The following TNRC18 variants were observed in gnomAD, a reference collection of about 807,000 sequenced individuals.
The protein encoded by TNRC18 is trinucleotide repeat-containing gene 18 protein.
TNRC18 carries 69 observed loss-of-function variants against 226.7 expected under a neutral mutation model. That is an observed-to-expected ratio of 0.30 (90% confidence interval 0.25 to 0.37). TNRC18 has a LOEUF of 0.37. TNRC18 is among the 10% of genes least tolerant of loss of function. The probability of loss-of-function intolerance (pLI) is 1.00; values close to 1 mark genes in which losing one functional copy is unlikely to be tolerated. For missense variants in TNRC18, 4,754 were observed against 4,256.6 expected (o/e 1.12, Z -3.25); for synonymous variants, 2,449 against 1,927.6 (o/e 1.27, Z -7.09).
intron 19 of TNRC18, among the ~76,000 whole-genome samples, chr7:5,328,704 G>T (rs1389151793): frequency 2.0e-5 from 3 of 151,862 alleles, no homozygotes; most frequent in Non-Finnish European, 1.5e-5. Flanking sequence ...TAGAGGCGGG[G>T]TTTCACCATA....
intron 11 of TNRC18, 107 bp from the exon 12 acceptor site, chr7:5,362,932 A>G: frequency 8.3e-7 from 1 of 1,206,312 alleles, no homozygotes. Context: ...ACACGTGCCC[A>G]TCCCCCAAGG....
chr7:5,310,417 G>A (rs922911442), intron 27 of TNRC18, among the ~76,000 whole-genome samples: 2 of 151,996 alleles, frequency 1.3e-5, no homozygotes, highest in African/African-American at 4.8e-5. Context: ...TGTATTTTTA[G>A]TAGAGACGGG....
intron 5 of TNRC18, among the ~76,000 whole-genome samples, chr7:5,381,101 G>C (rs941019450): frequency 6.6e-6 from 1 of 152,172 alleles, no homozygotes; most frequent in Non-Finnish European, 1.5e-5. Flanking sequence ...ACAGAAGCCA[G>C]TCTGCTGGCC....
Position 5,321,257 on chromosome 7 carries a change from G to A in TNRC18, c.6443-67C>T, listed in dbSNP as rs1179447070. The A allele has an allele frequency of 2.3e-5, 27 of 1,188,802 alleles. 1 individual carries two copies. Among genetic ancestry groups the A allele is most frequent in the South Asian group, 2.2e-4 (16 of 71,324 alleles). The allele number at this position is 1,188,802 out of a possible 1,614,324, so 73.6% of individuals were successfully genotyped here. ...GTCTGCGACACCTCTCCCTCCTCCC[G>A]TTACCCCCAAGTCATCCCCTTGGAA... On this transcript the variant is annotated intron_variant, in intron 21 of 29. Transcript: ENST00000430969.
chr7:5,409,245 AG>A (rs1286234338), intron 2 of TNRC18, among the ~76,000 whole-genome samples: 2 of 149,182 alleles, frequency 1.3e-5, no homozygotes, highest in African/African-American at 5.2e-5. Flanking sequence ...AAAAAGACTC[AG>A]AGAAAACAAA....
rs1466491142 is a variant in TNRC18, at chr7:5,313,237, C to A, written c.7654G>T (p.Asp2552Tyr). 7 of 1,548,938 alleles carry A rather than the reference C, an allele frequency of 4.5e-6. No individual in the cohort carries two copies. The East Asian group carries it at 1.7e-4, about 38-fold the overall frequency. ...KSPDKAQAEQ[D>Y]GAEESESSSS... ...CTGCTCTCGGACTCTTCGGCCCCGTCCTGCTCAGCCTGGGCCTTGTCTGGG... is the reference window on the plus strand; with the variant it reads ...CTGCTCTCGGACTCTTCGGCCCCGTACTGCTCAGCCTGGGCCTTGTCTGGG... Residue 2552 changes from aspartate (D) to tyrosine (Y), a missense_variant, in exon 27 of 30, where the codon GAC becomes TAC. By Grantham distance (160) the Asp-to-Tyr change is radical. Coordinates refer to ENST00000430969, the MANE Select transcript of TNRC18 (RefSeq NM_001080495.3).
chr7:5,336,206 T>A (rs113800291), intron 18 of TNRC18, among the ~76,000 whole-genome samples: 4,763 of 120,272 alleles, frequency 0.04, 169 homozygotes, highest in African/African-American at 0.11. Flanking sequence ...GACTCTGTTT[T>A]AAAAAAAAAA....
intron 9 of TNRC18, among the ~76,000 whole-genome samples, chr7:5,375,661 G>A (rs929536698): frequency 1.3e-5 from 2 of 152,140 alleles, no homozygotes; most frequent in African/African-American, 4.8e-5. Flanking sequence ...CTCTCCGAGA[G>A]GCCACCTGGA....
At chr7:5,395,327 A>G (rs60630847) in intron 2 of TNRC18, among the ~76,000 whole-genome samples, 3,279 of 152,130 alleles carry the variant, frequency 0.022, 127 homozygotes, top group African/African-American at 0.074. Flanking sequence ...ACCCCTCCAG[A>G]CAGCAGGCCC....
chr7:5,416,785 A>G (rs1225256656), intron 2 of TNRC18, among the ~76,000 whole-genome samples: 3 of 151,956 alleles, frequency 2.0e-5, no homozygotes, highest in Non-Finnish European at 4.4e-5. Flanking sequence ...TGAGCCCAGG[A>G]GTTCGAGACC....
chr7:5,329,329 A>G (rs1331681982), intron 19 of TNRC18, among the ~76,000 whole-genome samples: 2 of 151,860 alleles, frequency 1.3e-5, no homozygotes, highest in African/African-American at 4.8e-5. Context: ...TAGAAAATAA[A>G]AGTAAAAGCC....
At chr7:5,323,122 GCA>G (rs1788543688) in intron 21 of TNRC18, among the ~76,000 whole-genome samples, 2 of 152,158 alleles carry the variant, frequency 1.3e-5, no homozygotes, top group Non-Finnish European at 2.9e-5. Context: ...CCCCTGAGAC[GCA>G]CACAGGCGGC....
intron 15 of TNRC18, among the ~76,000 whole-genome samples, chr7:5,359,083 G>C (rs1004282302): frequency 5.6e-4 from 85 of 152,308 alleles, no homozygotes; most frequent in African/African-American, 1.9e-3. Flanking sequence ...CAGAGCAATT[G>C]TATTACTTGG....
chr7:5,350,373 G>C (rs1791658748), intron 17 of TNRC18, among the ~76,000 whole-genome samples: 1 of 151,518 alleles, frequency 6.6e-6, no homozygotes, highest in African/African-American at 2.4e-5. Context: ...AATTTGGAGG[G>C]GAGGTCTGGG....
chr7:5,419,600 C>T (rs1250347183), intron 2 of TNRC18, among the ~76,000 whole-genome samples: 1 of 151,950 alleles, frequency 6.6e-6, no homozygotes, highest in East Asian at 1.9e-4. Flanking sequence ...CAACACGCCA[C>T]TAGAGAACAA....
At chr7:5,325,493 G>A (rs1486226229) in intron 19 of TNRC18, 3 of 433,406 alleles carry the variant, frequency 6.9e-6, no homozygotes, top group African/African-American at 2.2e-5. Context: ...GCGCGATCTT[G>A]GCTCACTGCA....
chr7:5,324,905 G>A lies in TNRC18; in HGVS notation c.6300+191C>T, dbSNP rs900884582. On this transcript the variant is annotated intron_variant, in intron 20 of 29. Coordinates refer to ENST00000430969, the MANE Select transcript of TNRC18 (RefSeq NM_001080495.3). The surrounding 1 kb of genome is among the most constrained non-coding windows in gnomAD (Gnocchi z 4.8). ...CTAGAGCAGACATTTCCTGAGGACA[G>A]GAGCAGAGTCCCCAGTATCTCCTTA... is the stretch of plus-strand genomic sequence containing the variant. Among the ~76,000 whole-genome samples, 20 of 152,186 alleles carry A rather than the reference G, an allele frequency of 1.3e-4. No homozygotes were observed. Among genetic ancestry groups the A allele is most frequent in the African/African-American group, 4.6e-4 (19 of 41,448 alleles).
In TNRC18 at chr7:5,355,885, G is replaced by A. The variant is rs532248572; in HGVS notation, c.5194+1031C>T. 1.3e-4 allele frequency among the ~76,000 whole-genome samples: 20 copies of A among 151,828 alleles called. 1 individual carries two copies. The South Asian group carries it at 2.3e-3, about 17-fold the overall frequency. On this transcript the variant is annotated intron_variant, in intron 16 of 29. Transcript: ENST00000430969. ...AAGAAGAGACCCTGTCTCAAAAAAC[G>A]CACGGCACAGTAGCTCACGCCCATA... is the stretch of plus-strand genomic sequence containing the variant.
chr7:5,334,945 G>C (rs1288820159), intron 18 of TNRC18, among the ~76,000 whole-genome samples: 1 of 152,054 alleles, frequency 6.6e-6, no homozygotes, highest in Non-Finnish European at 1.5e-5. Flanking sequence ...AAGAAATAGA[G>C]TCCCGCTGAC....
Sources: allele counts gnomAD v4.1 joint callset (sites outside exome capture counted in the v4.1 genomes callset), GRCh38; gene constraint gnomAD v4.1.1; non-coding constraint Gnocchi (gnomAD v3.1); transcripts MANE v1.5; gene names NCBI Gene and HGNC (gene_info 2026-07-23, HGNC 2026-07-21).